The following TMEM40 variants were observed in gnomAD, a reference collection of about 807,000 sequenced individuals.
The protein encoded by TMEM40 is transmembrane protein 40.
A neutral mutation model predicts 40.8 loss-of-function variants in TMEM40; 34 were observed. The ratio of observed to expected loss-of-function variants is 0.83; its 90% confidence interval spans 0.63 to 1.11. The LOEUF (loss-of-function observed/expected upper bound fraction) is 1.11, where lower values mean the gene tolerates loss of function less well. Ranked by LOEUF, TMEM40 falls within the 50% of genes least tolerant of loss-of-function variation. The pLI is 0.00. For missense variants in TMEM40, 296 were observed against 280.2 expected (o/e 1.06, Z -0.40); for synonymous variants, 106 against 107.0 (o/e 0.99, Z 0.06).
At chr3:12,757,717 A>G (rs1479986764) in intron 1 of TMEM40, among the ~76,000 whole-genome samples, 1 of 152,190 alleles carries the variant, frequency 6.6e-6, no homozygotes, top group Non-Finnish European at 1.5e-5. Context: ...TTACTACATG[A>G]CCCAGCAATT....
chr3:12,755,123 ATTCTT>A (rs1368923384), intron 1 of TMEM40, among the ~76,000 whole-genome samples: 15 of 60,982 alleles, frequency 2.5e-4, no homozygotes, highest in South Asian at 1.2e-3. Context: ...TTTCTTTTCT[ATTCTT>A]TTCTTTTCTT....
chr3:12,753,211 CTTTTTT>C (rs56739791), intron 1 of TMEM40, among the ~76,000 whole-genome samples: 4 of 76,292 alleles, frequency 5.2e-5, no homozygotes, highest in Non-Finnish European at 7.0e-5. Context: ...TTCTTTCTTT[CTTTTTT>C]TTTTTTTTTT....
At chr3:12,735,027 T>C (rs1024846969) in intron 11 of TMEM40, among the ~76,000 whole-genome samples, 1 of 152,214 alleles carries the variant, frequency 6.6e-6, no homozygotes, top group Admixed American at 6.5e-5. Flanking sequence ...GGCCTCTCCA[T>C]TCTGAGGCAT....
intron 4 of TMEM40, among the ~76,000 whole-genome samples, 171 bp from the exon 5 acceptor site, chr3:12,742,678 C>T (rs1277180638): frequency 6.6e-6 from 1 of 152,180 alleles, no homozygotes; most frequent in Non-Finnish European, 1.5e-5. Context: ...TTTGCCCTCT[C>T]TGATGCCCCC....
chr3:12,748,422 G>T (rs959715107), intron 3 of TMEM40, among the ~76,000 whole-genome samples: 1 of 152,162 alleles, frequency 6.6e-6, no homozygotes, highest in Admixed American at 6.6e-5. Flanking sequence ...AGAACAACAT[G>T]GCTAAAAGCT....
At chr3:12,751,427 G>A (rs2061475099) in intron 1 of TMEM40, among the ~76,000 whole-genome samples, 1 of 151,272 alleles carries the variant, frequency 6.6e-6, no homozygotes, top group Non-Finnish European at 1.5e-5. Context: ...GATTACAGGC[G>A]CCACACCATG....
intron 5 of TMEM40, among the ~76,000 whole-genome samples, chr3:12,740,857 CA>C (rs372535892): frequency 6.6e-6 from 1 of 151,086 alleles, no homozygotes; most frequent in African/African-American, 2.4e-5. Context: ...GACAGCATCC[CA>C]AAAAAAACAA....
At chr3:12,735,723 G>A (rs1451054917) in intron 10 of TMEM40, 106 bp from the exon 11 acceptor site, 3 of 877,940 alleles carry the variant, frequency 3.4e-6, no homozygotes. Context: ...CTCTGATGGT[G>A]GAACTTCAGG....
chr3:12,769,135 ACTGGCGG>A, intron 1 of TMEM40: 1 of 80,414 alleles, frequency 1.2e-5, no homozygotes, highest in Admixed American at 1.0e-4. Flanking sequence ...ACTGCCCGGG[ACTGGCGG>A]GGCCTCTCCA....
In TMEM40 at chr3:12,751,662, G is replaced by A. The variant is rs114423776; in HGVS notation, c.-8-1822C>T. Among the ~76,000 whole-genome samples the A allele has an allele frequency of 2.5e-3, 384 of 152,212 alleles. 2 individuals are homozygous for A. Among genetic ancestry groups the A allele is most frequent in the Admixed American group, 3.8e-3 (58 of 15,284 alleles). On this transcript the variant is annotated intron_variant, in intron 1 of 11. Coordinates refer to ENST00000314124, the MANE Select transcript of TMEM40 (RefSeq NM_018306.4). ...AAGTCACTAGCCATTAAAATGCATC[G>A]ATATCGAGATGGAATGACTGACAGC...
At chr3:12,755,156 TTC>T (rs1301639063) in intron 1 of TMEM40, among the ~76,000 whole-genome samples, 3 of 149,662 alleles carry the variant, frequency 2.0e-5, no homozygotes, top group South Asian at 2.1e-4. Flanking sequence ...CTTTCTTTCT[TTC>T]TCTTTCTTTC....
intron 6 of TMEM40, 87 bp downstream of exon 6, chr3:12,738,466 G>T: frequency 6.9e-7 from 1 of 1,449,838 alleles, no homozygotes; most frequent in Non-Finnish European, 9.7e-7. Context: ...TATCCCAACA[G>T]GTGCTGGCTC....
Position 12,734,673 on chromosome 3 carries a change from C to T in TMEM40, c.*101G>A. 2.9e-6 allele frequency: 4 copies of T among 1,376,272 alleles called. No individual in the cohort carries two copies. The highest frequency in any genetic ancestry group is 4.0e-6 in the Non-Finnish European group (4 of 999,770). The allele number at this position is 1,376,272 out of a possible 1,614,324, so 85.3% of individuals were successfully genotyped here. A position where few individuals can be genotyped will look rare whatever the true frequency, so the allele number is the denominator to read the frequency against. On this transcript the variant is annotated 3_prime_UTR_variant, in exon 12 of 12. Transcript: ENST00000314124. ...GTTCTGTTTATTGGTCTGGCTTGGT[C>T]TCCTGTGCGTCTCTCAGAATGCTGC...
chr3:12,743,589 C>T (rs1246511071), intron 4 of TMEM40, among the ~76,000 whole-genome samples: 1 of 152,174 alleles, frequency 6.6e-6, no homozygotes, highest in Non-Finnish European at 1.5e-5. Context: ...GAGATAACCA[C>T]TATTAACATT....
chr3:12,761,022 C>T (rs1575747983), upstream of TMEM40, among the ~76,000 whole-genome samples: 2 of 152,370 alleles, frequency 1.3e-5, no homozygotes, highest in East Asian at 3.9e-4. Context: ...TAGGCGTAAG[C>T]CACTGCATCT....
chr3:12,758,023 G>A (rs2061541828), intron 1 of TMEM40, among the ~76,000 whole-genome samples: 1 of 151,210 alleles, frequency 6.6e-6, no homozygotes. Context: ...CACTTTTAAA[G>A]GGTGAATTTT....
rs146452023 is a variant in TMEM40 at position 12,739,360 on chromosome 3, C to T, written c.356-772G>A. ...AGTGCAGTGGTGCAATCTCGGCTCA[C>T]TGCAAGCTCCGCCTCCCGGGTTCAT... On this transcript the variant is annotated intron_variant, in intron 5 of 11. Coordinates refer to ENST00000314124, the MANE Select transcript of TMEM40 (RefSeq NM_018306.4). Among the ~76,000 whole-genome samples the T allele has an allele frequency of 2.5e-3, 386 of 152,120 alleles. 6 individuals carry two copies. In the East Asian group the frequency reaches 0.044, roughly 17 times the overall value.
chr3:12,748,928 C>T (rs2061451074), intron 2 of TMEM40, 136 bp from the exon 3 acceptor site: 1 of 742,398 alleles, frequency 1.3e-6, no homozygotes, highest in African/African-American at 1.7e-5. Flanking sequence ...TATCTAGAGC[C>T]AATGCAACAT....
chr3:12,735,667 G>A, intron 10 of TMEM40, 50 bp from the exon 11 acceptor site: 1 of 1,540,846 alleles, frequency 6.5e-7, no homozygotes, highest in Admixed American at 1.8e-5. Context: ...CCCAACAAGG[G>A]ACACCAGGCC....
Sources: gnomAD v4.1 joint callset for allele counts (sites outside exome capture counted in the v4.1 genomes callset) on GRCh38, gnomAD v4.1.1 for gene constraint, MANE v1.5 for transcripts, NCBI Gene and HGNC (gene_info 2026-07-23, HGNC 2026-07-21) for gene names.